The following KRCC1 variants were observed in gnomAD, a reference collection of about 807,000 sequenced individuals.
KRCC1 encodes lysine-rich coiled-coil protein 1.
In KRCC1, 3 loss-of-function variants were observed where a neutral mutation model predicts 7.4. The observed-to-expected ratio is 0.40, with a 90% CI of 0.18 to 1.04. KRCC1 has a LOEUF of 1.04. Among genes scored for constraint, KRCC1 ranks in the 50% least tolerant of loss-of-function variants. The probability of loss-of-function intolerance (pLI) is 0.33; values close to 1 mark genes in which losing one functional copy is unlikely to be tolerated. For synonymous variants in KRCC1, 102 were observed against 101.6 expected, an observed-to-expected ratio of 1.00 and a Z score of -0.02; for missense variants, 277 against 300.9, an observed-to-expected ratio of 0.92 and a Z score of 0.59.
At chr2:88,053,726 A>G (rs989869658) in intron 1 of KRCC1, among the ~76,000 whole-genome samples, 18 of 152,234 alleles carry the variant, frequency 1.2e-4, no homozygotes, top group Admixed American at 9.2e-4. Context: ...CCAGTTCTCC[A>G]AAGTCAATAG....
chr2:88,029,839 A>AT (rs1439786843), intron 3 of KRCC1, among the ~76,000 whole-genome samples: 239 of 77,930 alleles, frequency 3.1e-3, no homozygotes, highest in Middle Eastern at 0.014. Flanking sequence ...TATATAAAAA[A>AT]ATATATATAT....
At position 88,028,191 on chromosome 2, in the gene KRCC1, A is replaced by G. The variant is rs752324225; in HGVS notation, c.373T>C (p.Tyr125His). 1.2e-6 allele frequency: 2 copies of G among 1,614,160 alleles called. No individual in the cohort carries two copies. The highest frequency in any genetic ancestry group is 1.7e-6 in the Non-Finnish European group (2 of 1,180,028). The change falls in exon 4 of 4, where the codon TAT (tyrosine) becomes CAT (histidine). Residue 125 changes from tyrosine to histidine, a missense_variant. Coordinates refer to ENST00000347055, the MANE Select transcript of KRCC1 (RefSeq NM_016618.3). ...PVPLNFNQQE[Y>H]ICGSHGVEHR... Reference sequence around the variant, plus strand: ...TCTACACCATGTGAGCCACAAATATATTCTTGTTGATTAAAGTTCAGGGGT... The same window carrying G: ...TCTACACCATGTGAGCCACAAATATGTTCTTGTTGATTAAAGTTCAGGGGT...
At chr2:88,029,934 G>A (rs1461716412) in intron 3 of KRCC1, among the ~76,000 whole-genome samples, 1 of 148,934 alleles carries the variant, frequency 6.7e-6, no homozygotes, top group East Asian at 2.0e-4. Flanking sequence ...TGCAACCTCC[G>A]CCTCCAGGGT....
At chr2:88,050,722 CTTT>C (rs1673457540) in intron 1 of KRCC1, among the ~76,000 whole-genome samples, 1 of 152,140 alleles carries the variant, frequency 6.6e-6, no homozygotes, top group Non-Finnish European at 1.5e-5. Context: ...TTTAGTGAAA[CTTT>C]TTTTAACTGT....
intron 1 of KRCC1, among the ~76,000 whole-genome samples, chr2:88,041,784 C>T (rs1433315110): frequency 1.3e-5 from 2 of 152,194 alleles, no homozygotes; most frequent in Admixed American, 6.5e-5. Context: ...TTGAAGAACA[C>T]AGACTGTGAT....
rs1159183724 is a variant in KRCC1, at chr2:88,036,938, C to G, written c.-182+5G>C. Reference sequence around the variant, plus strand: ...TAGGACATATTCCTTCTATTTTCAACCTACCTCATAATGCAAAATCCTTTG... The same window carrying G: ...TAGGACATATTCCTTCTATTTTCAAGCTACCTCATAATGCAAAATCCTTTG... On this transcript the variant is annotated splice_donor_5th_base_variant and intron_variant, in intron 2 of 3. Transcript: ENST00000347055. 1 of 152,186 alleles carries G rather than the reference C, an allele frequency of 6.6e-6. No homozygotes were observed. Among genetic ancestry groups the G allele is most frequent in the African/African-American group, 2.4e-5 (1 of 41,444 alleles). 9.4% of individuals were successfully genotyped at this position (152,186 alleles called of 1,614,324 possible). A position where few individuals can be genotyped will look rare whatever the true frequency, so the allele number is the denominator to read the frequency against.
chr2:88,041,002 G>A (rs1262962645), intron 1 of KRCC1, among the ~76,000 whole-genome samples: 1 of 152,176 alleles, frequency 6.6e-6, no homozygotes, highest in East Asian at 1.9e-4. Context: ...AGTGCTAAAG[G>A]TGGAATGATG....
intron 1 of KRCC1, among the ~76,000 whole-genome samples, chr2:88,053,483 T>C (rs778055437): frequency 2.0e-5 from 3 of 152,210 alleles, no homozygotes; most frequent in Non-Finnish European, 2.9e-5. Flanking sequence ...CCAAACTGAA[T>C]TGTAGTCTTT....
chr2:88,030,104 T>A (rs1373325722), intron 3 of KRCC1, among the ~76,000 whole-genome samples: 1 of 150,972 alleles, frequency 6.6e-6, no homozygotes, highest in African/African-American at 2.4e-5. Flanking sequence ...TGCCTCGGCC[T>A]CCCAAAGTGC....
intron 2 of KRCC1, among the ~76,000 whole-genome samples, chr2:88,036,024 G>C (rs1385931816): frequency 6.6e-6 from 1 of 152,146 alleles, no homozygotes; most frequent in Non-Finnish European, 1.5e-5. Context: ...CCAAGGCTAA[G>C]ACATGACTGT....
chr2:88,054,626 CCTGACT>C (rs1354388109), intron 1 of KRCC1, among the ~76,000 whole-genome samples: 4 of 152,094 alleles, frequency 2.6e-5, no homozygotes, highest in African/African-American at 9.7e-5. Flanking sequence ...TTTTCACCTC[CCTGACT>C]CTACTTGAGC....
chr2:88,027,915 G>A lies in KRCC1; in HGVS notation c.649C>T (p.Arg217Ter), dbSNP rs775628872. ...ACATCTCGGCTTTTTTTCTCCTTTCGATTCTTAAGCTTTTCTGTACTGACA... is the reference window on the plus strand; with the variant it reads ...ACATCTCGGCTTTTTTTCTCCTTTCAATTCTTAAGCTTTTCTGTACTGACA... ...VHVSTEKLKN[R>*]KEKKSRDVVS... Residue 217 changes from arginine (R) to a stop codon, truncating the protein, a stop_gained, in exon 4 of 4, where the codon CGA becomes TGA. Coordinates refer to ENST00000347055, the MANE Select transcript of KRCC1 (RefSeq NM_016618.3). LOFTEE classifies it high-confidence loss of function. 3 of 1,612,582 alleles carry A rather than the reference G, an allele frequency of 1.9e-6. No individual in the cohort carries two copies. The highest frequency in any genetic ancestry group is 1.1e-5 in the South Asian group (1 of 90,942).
chr2:88,029,582 T>C (rs867754791), intron 3 of KRCC1, among the ~76,000 whole-genome samples: 39 of 152,056 alleles, frequency 2.6e-4, no homozygotes, highest in Admixed American at 1.2e-3. Context: ...TGTCTTCTGG[T>C]TTGTTCTCTC....
chr2:88,051,362 T>C (rs1031616983), intron 1 of KRCC1, among the ~76,000 whole-genome samples: 2 of 152,216 alleles, frequency 1.3e-5, no homozygotes, highest in Middle Eastern at 3.4e-3. Context: ...TATCGGAATT[T>C]TGAAAGTCAG....
intron 1 of KRCC1, among the ~76,000 whole-genome samples, chr2:88,043,691 T>C (rs1400071663): frequency 6.6e-6 from 1 of 152,200 alleles, no homozygotes; most frequent in African/African-American, 2.4e-5. Flanking sequence ...TTTATGGAGA[T>C]GAAGTTTTGC....
intron 3 of KRCC1, among the ~76,000 whole-genome samples, chr2:88,032,756 G>A (rs920915661): frequency 7.9e-5 from 12 of 152,182 alleles, no homozygotes; most frequent in African/African-American, 2.4e-4. Flanking sequence ...TACACATGAC[G>A]TGAGTGAATC....
chr2:88,037,464 A>T (rs1673114720), intron 1 of KRCC1, among the ~76,000 whole-genome samples: 1 of 150,382 alleles, frequency 6.6e-6, no homozygotes, highest in African/African-American at 2.4e-5. Flanking sequence ...AACCATCTTT[A>T]TTTTTTTTTT....
At chr2:88,039,052 C>G (rs1355836196) in intron 1 of KRCC1, among the ~76,000 whole-genome samples, 1 of 152,072 alleles carries the variant, frequency 6.6e-6, no homozygotes. Context: ...TTTGATTTGA[C>G]AGTCTGATCT....
intron 3 of KRCC1, among the ~76,000 whole-genome samples, chr2:88,030,038 C>T (rs1424101181): frequency 2.7e-5 from 4 of 149,898 alleles, no homozygotes; most frequent in Non-Finnish European, 5.9e-5. Context: ...AGTAGAGATG[C>T]GGTTTCACCA....
Sources: allele counts gnomAD v4.1 joint callset (sites outside exome capture counted in the v4.1 genomes callset), GRCh38; gene constraint gnomAD v4.1.1; transcripts MANE v1.5; gene names NCBI Gene and HGNC (gene_info 2026-07-23, HGNC 2026-07-21).